Variants in ELAVL2 observed in about 807,000 individuals in gnomAD.
ELAVL2 encodes the protein ELAV-like protein 2.
In ELAVL2, 4 loss-of-function variants were observed where a neutral mutation model predicts 34.6. The observed-to-expected ratio is 0.12, with a 90% confidence interval of 0.06 to 0.26. The LOEUF (loss-of-function observed/expected upper bound fraction) is 0.26, where lower values mean the gene tolerates loss of function less well. ELAVL2 is among the 10% of genes least tolerant of loss of function. ELAVL2 has a pLI of 1.00. For synonymous variants in ELAVL2, 193 were observed against 154.8 expected (o/e 1.25, Z -1.83); for missense variants, 432 against 442.8 (o/e 0.98, Z 0.22).
At chr9:23,833,856 C>A in the ELAVL2 span, among the ~76,000 whole-genome samples, 2 of 151,842 alleles carry the variant, frequency 1.3e-5, no homozygotes, top group South Asian at 4.1e-4. Flanking sequence ...ATCCAAAAGT[C>A]TTCATGTTTT....
intron 2 of ELAVL2, among the ~76,000 whole-genome samples, chr9:23,749,989 G>C (rs1004173338): frequency 4.0e-5 from 6 of 150,852 alleles, no homozygotes; most frequent in African/African-American, 1.5e-4. Context: ...GGAGTCACTG[G>C]TCATGAACAC....
At chr9:23,810,685 G>A (rs117455349) in intron 1 of ELAVL2, among the ~76,000 whole-genome samples, 1,958 of 152,258 alleles carry the variant, frequency 0.013, 17 homozygotes, top group Non-Finnish European at 0.019. Context: ...AGAACTAGGA[G>A]TCTGACCTGA....
chr9:23,794,227 A>G (rs913966073), intron 1 of ELAVL2, among the ~76,000 whole-genome samples: 2 of 152,206 alleles, frequency 1.3e-5, no homozygotes, highest in African/African-American at 4.8e-5. Context: ...AAATGACACC[A>G]ATGACATCTA....
chr9:23,844,301 A>G, the ELAVL2 span, among the ~76,000 whole-genome samples: 2 of 152,056 alleles, frequency 1.3e-5, no homozygotes, highest in Non-Finnish European at 2.9e-5. Context: ...CCAGCCAAGT[A>G]TTATCAGGTT....
chr9:23,781,976 G>A (rs1298379044), intron 1 of ELAVL2, among the ~76,000 whole-genome samples: 3 of 152,050 alleles, frequency 2.0e-5, no homozygotes, highest in African/African-American at 7.2e-5. Flanking sequence ...GAGCCACCGC[G>A]CCTGGCTAAT....
Position 23,710,150 on chromosome 9 carries a change from G to A in ELAVL2, c.334-5079C>T, listed in dbSNP as rs191423298. Among the ~76,000 whole-genome samples the A allele has an allele frequency of 5.3e-4, 80 of 152,236 alleles. No homozygotes were observed. In the Middle Eastern group the frequency reaches 0.01, roughly 19 times the overall value. On this transcript the variant is annotated intron_variant, in intron 3 of 6. Coordinates refer to ENST00000397312, the MANE Select transcript of ELAVL2 (RefSeq NM_004432.5). Reference sequence around the variant, plus strand: ...TTTATTGAATTATGTCTTGAAAATGGAACCGTTTGAAATATAGTGTATTAC... The same window carrying A: ...TTTATTGAATTATGTCTTGAAAATGAAACCGTTTGAAATATAGTGTATTAC...
chr9:23,794,296 C>T lies in ELAVL2; in HGVS notation c.-16+31510G>A, dbSNP rs115518261. Among the ~76,000 whole-genome samples, 360 of 152,274 alleles carry T rather than the reference C, an allele frequency of 2.4e-3. 1 individual carries two copies. The highest frequency in any genetic ancestry group is 8.0e-3 in the African/African-American group (333 of 41,532). ...GTGTAACATTCAGGGACTTCAGTGA[C>T]ACTTTCCTAGAACACTGAGTGCCCA... is the stretch of plus-strand genomic sequence containing the variant. On this transcript the variant is annotated intron_variant, in intron 1 of 6. Coordinates refer to ENST00000397312, the MANE Select transcript of ELAVL2 (RefSeq NM_004432.5).
intron 1 of ELAVL2, among the ~76,000 whole-genome samples, chr9:23,803,028 T>C (rs2061758940): frequency 6.6e-6 from 1 of 152,306 alleles, no homozygotes; most frequent in Admixed American, 6.5e-5. Context: ...TCAAGAACTT[T>C]GAGAATTACT....
intron 2 of ELAVL2, among the ~76,000 whole-genome samples, chr9:23,738,433 T>C (rs1361970449): frequency 6.6e-6 from 1 of 152,126 alleles, no homozygotes; most frequent in Admixed American, 6.6e-5. Context: ...ATGAGTAAGA[T>C]CAAATTGTGA....
At chr9:23,850,433 C>T in the ELAVL2 span, among the ~76,000 whole-genome samples, 1,334 of 152,216 alleles carry the variant, frequency 8.8e-3, 20 homozygotes, top group African/African-American at 0.03. Context: ...TGCTGCGAGG[C>T]TGCTGCAGCC....
intron 1 of ELAVL2, among the ~76,000 whole-genome samples, chr9:23,820,655 G>C (rs1218937542): frequency 6.6e-6 from 1 of 152,204 alleles, no homozygotes. Flanking sequence ...TGCTGGCTAA[G>C]CATTGTCACG....
At chr9:23,745,897 G>T (rs1436387984) in intron 2 of ELAVL2, among the ~76,000 whole-genome samples, 1 of 152,114 alleles carries the variant, frequency 6.6e-6, no homozygotes, top group Non-Finnish European at 1.5e-5. Flanking sequence ...CATTCAAAAA[G>T]ACCTGCTGTG....
chr9:23,726,080 A>G (rs535723809), intron 3 of ELAVL2, among the ~76,000 whole-genome samples: 1 of 152,230 alleles, frequency 6.6e-6, no homozygotes, highest in Admixed American at 6.6e-5. Context: ...TGAACAGAAA[A>G]AAAAAAGTAT....
At chr9:23,730,859 A>G (rs2046354705) in intron 3 of ELAVL2, among the ~76,000 whole-genome samples, 163 bp downstream of exon 3, 1 of 151,776 alleles carries the variant, frequency 6.6e-6, no homozygotes, top group African/African-American at 2.4e-5. Flanking sequence ...GCACTCTTGA[A>G]CAAACAGTTT....
At chr9:23,724,578 G>A (rs1371341291) in intron 3 of ELAVL2, among the ~76,000 whole-genome samples, 1 of 152,000 alleles carries the variant, frequency 6.6e-6, no homozygotes, top group African/African-American at 2.4e-5. Flanking sequence ...ACACATGAAG[G>A]GCATTATACA....
chr9:23,799,354 T>G (rs1257871779), intron 1 of ELAVL2, among the ~76,000 whole-genome samples: 1 of 152,156 alleles, frequency 6.6e-6, no homozygotes, highest in East Asian at 1.9e-4. Flanking sequence ...CATCCCGCAT[T>G]TTAAGAGATA....
chr9:23,806,243 C>T (rs1386524821), intron 1 of ELAVL2, among the ~76,000 whole-genome samples: 1 of 151,708 alleles, frequency 6.6e-6, no homozygotes, highest in Non-Finnish European at 1.5e-5. Flanking sequence ...ATACCAAGGC[C>T]GAATACACAA....
At chr9:23,695,382 G>T (rs1170177999) in intron 5 of ELAVL2, among the ~76,000 whole-genome samples, 1 of 152,056 alleles carries the variant, frequency 6.6e-6, no homozygotes, top group Non-Finnish European at 1.5e-5. Context: ...ATCCATGTAG[G>T]GACAGGTCAT....
intron 1 of ELAVL2, among the ~76,000 whole-genome samples, chr9:23,791,731 G>T (rs783563): frequency 0.075 from 11,366 of 152,174 alleles, 1,339 homozygotes; most frequent in African/African-American, 0.26. Flanking sequence ...CAGTGAGAAG[G>T]TGGCCTTCTG....
Sources: allele counts gnomAD v4.1 joint callset (sites outside exome capture counted in the v4.1 genomes callset), GRCh38; gene constraint gnomAD v4.1.1; transcripts MANE v1.5; gene names NCBI Gene and HGNC (gene_info 2026-07-23, HGNC 2026-07-21).